ERBB4: variants seen among roughly 807,000 people sequenced by gnomAD.
The protein encoded by ERBB4 is receptor tyrosine-protein kinase erbB-4.
In ERBB4, 42 loss-of-function variants were observed where a neutral mutation model predicts 158.0. The ratio of observed to expected loss-of-function variants is 0.27; its 90% CI spans 0.21 to 0.34. The LOEUF (loss-of-function observed/expected upper bound fraction) is 0.34, where lower values mean the gene tolerates loss of function less well. Among genes scored for constraint, ERBB4 ranks in the 10% least tolerant of loss-of-function variants. The pLI, the probability that ERBB4 is intolerant of heterozygous loss-of-function variation, is 1.00. For missense variants in ERBB4, 1,333 were observed against 1,624.1 expected (o/e 0.82, Z 3.08); for synonymous variants, 583 against 558.7 (o/e 1.04, Z -0.61).
At chr2:211,992,563 G>GAA (rs1209969076) in intron 2 of ERBB4, among the ~76,000 whole-genome samples, 1 of 67,270 alleles carries the variant, frequency 1.5e-5, no homozygotes. Context: ...GAGAGAGAGA[G>GAA]AGAGAAAAAA....
chr2:211,569,002 G>C (rs1574770495), intron 19 of ERBB4, among the ~76,000 whole-genome samples: 1 of 152,160 alleles, frequency 6.6e-6, no homozygotes, highest in Non-Finnish European at 1.5e-5. Context: ...GCAGTAATTA[G>C]AGAGGCTGAA....
At chr2:211,545,120 C>T (rs1188496606) in intron 20 of ERBB4, among the ~76,000 whole-genome samples, 1 of 152,050 alleles carries the variant, frequency 6.6e-6, no homozygotes, top group Non-Finnish European at 1.5e-5. Context: ...TCATTTCAGG[C>T]TGCTGTTGTG....
At chr2:212,010,678 G>C (rs998659847) in intron 2 of ERBB4, among the ~76,000 whole-genome samples, 3 of 152,102 alleles carry the variant, frequency 2.0e-5, no homozygotes, top group East Asian at 1.9e-4. Context: ...AACAGGGTTC[G>C]AGAGCAGAGA....
At chr2:212,202,071 T>C (rs1295565102) in intron 1 of ERBB4, among the ~76,000 whole-genome samples, 1 of 152,158 alleles carries the variant, frequency 6.6e-6, no homozygotes, top group Non-Finnish European at 1.5e-5. Flanking sequence ...GAATACCAAT[T>C]CGGTTACAAA....
At position 212,286,654 on chromosome 2, in the gene ERBB4, T is replaced by G. The variant is rs1010562167; in HGVS notation, c.83-161751A>C. On this transcript the variant is annotated intron_variant, in intron 1 of 27. Coordinates refer to ENST00000342788, the MANE Select transcript of ERBB4 (RefSeq NM_005235.3). The stretch of plus-strand genomic sequence containing the variant: ...GTCTCGCTTTGTTACCTAGCTGGAG[T>G]GCAATGGGGCAATCTCGACTCACTG... Among the ~76,000 whole-genome samples the G allele has an allele frequency of 1.5e-3, 211 of 141,976 alleles. 3 individuals carry two copies. Among genetic ancestry groups the G allele is most frequent in the African/African-American group, 5.4e-3 (202 of 37,722 alleles). 93.1% of individuals were successfully genotyped at this position (141,976 alleles called of 152,430 possible).
At chr2:211,994,316 A>G (rs768487638) in intron 2 of ERBB4, among the ~76,000 whole-genome samples, 1 of 151,972 alleles carries the variant, frequency 6.6e-6, no homozygotes, top group Non-Finnish European at 1.5e-5. Flanking sequence ...AAAAAATTGT[A>G]GAGACACAGT....
At chr2:211,656,613 A>G (rs561113075) in intron 16 of ERBB4, among the ~76,000 whole-genome samples, 4 of 152,286 alleles carry the variant, frequency 2.6e-5, no homozygotes, top group South Asian at 4.1e-4. Context: ...TCCTCAAATT[A>G]TCTCCTTCCC....
At chr2:212,015,107 TATATAAA>T (rs1559321263) in intron 2 of ERBB4, among the ~76,000 whole-genome samples, 7 of 86,524 alleles carry the variant, frequency 8.1e-5, no homozygotes, top group Non-Finnish European at 1.3e-4. Context: ...TATATATATA[TATATAAA>T]AATTAGCCGG....
At chr2:211,533,572 A>G (rs149593405) in intron 20 of ERBB4, among the ~76,000 whole-genome samples, 422 of 152,190 alleles carry the variant, frequency 2.8e-3, no homozygotes, top group African/African-American at 9.6e-3. Flanking sequence ...CAAATATACA[A>G]TCTTCTGCCT....
chr2:211,393,622 T>TAAG (rs2062849566), intron 25 of ERBB4, among the ~76,000 whole-genome samples: 1 of 152,178 alleles, frequency 6.6e-6, no homozygotes, highest in Non-Finnish European at 1.5e-5. Flanking sequence ...CTCATTATCT[T>TAAG]AAGTATAAAA....
intron 19 of ERBB4, among the ~76,000 whole-genome samples, chr2:211,595,195 G>A (rs566815888): frequency 1.3e-5 from 2 of 152,154 alleles, no homozygotes; most frequent in Admixed American, 6.6e-5. Flanking sequence ...ATCTTAAAAC[G>A]ATAGGCATTA....
At chr2:212,308,267 G>A (rs141963063) in intron 1 of ERBB4, among the ~76,000 whole-genome samples, 1 of 151,052 alleles carries the variant, frequency 6.6e-6, no homozygotes, top group Non-Finnish European at 1.5e-5. Context: ...CCAAATTATA[G>A]TATATTCGGA....
At chr2:211,593,589 C>T (rs1174235914) in intron 19 of ERBB4, among the ~76,000 whole-genome samples, 1 of 152,178 alleles carries the variant, frequency 6.6e-6, no homozygotes, top group Non-Finnish European at 1.5e-5. Context: ...TTGCATTATT[C>T]TAAGTATCTT....
intron 1 of ERBB4, among the ~76,000 whole-genome samples, chr2:212,488,567 A>G (rs1690105531): frequency 6.6e-6 from 1 of 152,014 alleles, no homozygotes; most frequent in Admixed American, 6.6e-5. Flanking sequence ...TGCAGTCAAG[A>G]TTTGGGTTAC....
chr2:211,428,082 C>T (rs2063669538), intron 22 of ERBB4, among the ~76,000 whole-genome samples: 1 of 151,830 alleles, frequency 6.6e-6, no homozygotes, highest in African/African-American at 2.4e-5. Context: ...GGAGGGAGAG[C>T]ATTAGGACAA....
At chr2:212,336,485 A>G (rs1171464039) in intron 1 of ERBB4, among the ~76,000 whole-genome samples, 2 of 152,034 alleles carry the variant, frequency 1.3e-5, no homozygotes, top group Non-Finnish European at 2.9e-5. Context: ...CTGTCAACCA[A>G]TACTGGTTTG....
chr2:211,602,146 T>G (rs923013577), intron 19 of ERBB4, among the ~76,000 whole-genome samples: 15 of 151,916 alleles, frequency 9.9e-5, no homozygotes, highest in Admixed American at 2.0e-4. Context: ...AGTTTGAGTG[T>G]GAGAACACTT....
In ERBB4 at chr2:212,531,104, G is replaced by A. The variant is rs142075207; in HGVS notation, c.82+7345C>T. Among the ~76,000 whole-genome samples the A allele has an allele frequency of 2.8e-3, 424 of 152,250 alleles. 3 individuals carry two copies. Among genetic ancestry groups the A allele is most frequent in the African/African-American group, 9.5e-3 (394 of 41,558 alleles). The stretch of plus-strand genomic sequence containing the variant: ...TTACTTCTCATGGGAGAGGCTTAAT[G>A]ATATTGCACAGGAAGTTTCATGGTG... On this transcript the variant is annotated intron_variant, in intron 1 of 27. Transcript: ENST00000342788.
chr2:211,832,599 C>CGT (rs1264072210), intron 3 of ERBB4, among the ~76,000 whole-genome samples: 4 of 149,210 alleles, frequency 2.7e-5, no homozygotes, highest in Non-Finnish European at 5.9e-5. Context: ...TACACATAAA[C>CGT]GTGTGTGTGT....
Sources: gnomAD v4.1 joint callset for allele counts (sites outside exome capture counted in the v4.1 genomes callset) on GRCh38, gnomAD v4.1.1 for gene constraint, MANE v1.5 for transcripts, NCBI Gene and HGNC (gene_info 2026-07-23, HGNC 2026-07-21) for gene names.